Variants in FGF10 observed in about 807,000 individuals in gnomAD.
FGF10 encodes fibroblast growth factor 10, also known as FGF-10.
Under a neutral mutation model 19.8 loss-of-function variants are expected in FGF10, and 2 were observed. The observed-to-expected ratio is 0.10, with a 90% CI of 0.04 to 0.32. The LOEUF is 0.32. Among genes scored for constraint, FGF10 ranks in the 10% least tolerant of loss-of-function variants. FGF10 has a pLI of 1.00. For missense variants in FGF10, 191 were observed against 246.3 expected (o/e 0.78, Z 1.50); for synonymous variants, 112 against 94.0 (o/e 1.19, Z -1.10).
At chr5:44,319,093 C>A (rs1740421719) in intron 1 of FGF10, among the ~76,000 whole-genome samples, 1 of 152,140 alleles carries the variant, frequency 6.6e-6, no homozygotes. Context: ...TAGTCTACCT[C>A]ACCATGAGGC....
rs904312740 is a variant in FGF10 at position 44,300,614 on chromosome 5, G to C, written c.*4381C>G. ...CAAACAAACAGGTGAAGAATAATTG[G>C]AATTGGTGGGAAATATAGGAATAGA... On this transcript the variant is annotated 3_prime_UTR_variant, in exon 3 of 3. Transcript: ENST00000264664. 5.9e-5 allele frequency among the ~76,000 whole-genome samples: 9 copies of C among 152,148 alleles called. No homozygotes were observed. Among genetic ancestry groups the C allele is most frequent in the African/African-American group, 2.2e-4 (9 of 41,428 alleles).
rs570114478 is a variant in FGF10 at position 44,313,546 on chromosome 5, A to C, written c.326-3016T>G. Among the ~76,000 whole-genome samples the C allele has an allele frequency of 2.0e-5, 3 of 151,792 alleles. No individual in the cohort carries two copies. The South Asian group carries it at 6.2e-4, about 31-fold the overall frequency. On this transcript the variant is annotated intron_variant, in intron 1 of 2. Transcript: ENST00000264664. The stretch of plus-strand genomic sequence containing the variant: ...ATCTCCCCGTGTTTCTTACAAGTTT[A>C]TGACTCTACAATTACCTTAACATTA...
intron 1 of FGF10, among the ~76,000 whole-genome samples, chr5:44,312,878 C>T (rs1740245504): frequency 6.6e-6 from 1 of 152,028 alleles, no homozygotes; most frequent in Non-Finnish European, 1.5e-5. Context: ...TACTAACAGA[C>T]TGAGCTATAG....
At chr5:44,377,438 C>T (rs183507046) in intron 1 of FGF10, among the ~76,000 whole-genome samples, 4 of 152,202 alleles carry the variant, frequency 2.6e-5, no homozygotes, top group East Asian at 1.9e-4. Flanking sequence ...AATGCTGTCT[C>T]GAAACTGTAA....
chr5:44,321,885 C>T (rs1350465264), intron 1 of FGF10, among the ~76,000 whole-genome samples: 1 of 152,102 alleles, frequency 6.6e-6, no homozygotes, highest in Non-Finnish European at 1.5e-5. Context: ...CCTCAGCCTC[C>T]CAAGTAGCTG....
chr5:44,315,936 T>C (rs192847542), intron 1 of FGF10, among the ~76,000 whole-genome samples: 1 of 152,216 alleles, frequency 6.6e-6, no homozygotes, highest in East Asian at 1.9e-4. Context: ...CTCAAAACAT[T>C]ATGGGAACTG....
At chr5:44,386,594 G>T (rs896327693) in intron 1 of FGF10, among the ~76,000 whole-genome samples, 4 of 151,998 alleles carry the variant, frequency 2.6e-5, no homozygotes, top group Non-Finnish European at 5.9e-5. Flanking sequence ...ATATACATAG[G>T]ATCTAATGAA....
intron 2 of FGF10, among the ~76,000 whole-genome samples, chr5:44,309,892 T>C (rs940124833): frequency 1.3e-5 from 2 of 152,120 alleles, no homozygotes; most frequent in African/African-American, 4.8e-5. Context: ...TATATATATA[T>C]GATTTTGAGG....
At position 44,349,422 on chromosome 5, in the gene FGF10, TTATATATATATATATATA is replaced by T. The variant is rs869035955; in HGVS notation, c.326-38910_326-38893del. ...CTAAGAAAATGGGAAAGCATTTTCT[TTATATATATATATATATA>T]TATATATATATATATATATATATAT... is the stretch of plus-strand genomic sequence containing the variant. On this transcript the variant is annotated intron_variant, in intron 1 of 2. Transcript: ENST00000264664. Among the ~76,000 whole-genome samples the T allele has an allele frequency of 3.6e-3, 151 of 41,426 alleles. 6 individuals carry two copies. The highest frequency in any genetic ancestry group is 0.012 in the African/African-American group (131 of 10,552). 27.2% of individuals were successfully genotyped at this position (41,426 alleles called of 152,430 possible).
intron 1 of FGF10, among the ~76,000 whole-genome samples, chr5:44,354,783 T>G (rs768908287): frequency 3.3e-5 from 5 of 151,570 alleles, no homozygotes; most frequent in African/African-American, 4.8e-5. Context: ...CTGATTCAGC[T>G]GCTGCCTACC....
intron 1 of FGF10, among the ~76,000 whole-genome samples, chr5:44,383,822 T>A (rs1742038609): frequency 6.6e-6 from 1 of 152,026 alleles, no homozygotes; most frequent in African/African-American, 2.4e-5. Flanking sequence ...ACAACTGAAA[T>A]AAGATACCAG....
intron 1 of FGF10, among the ~76,000 whole-genome samples, chr5:44,348,718 C>A (rs1741146108): frequency 6.6e-6 from 1 of 151,400 alleles, no homozygotes; most frequent in Admixed American, 6.6e-5. Context: ...ATATTTTGGA[C>A]ATATTTATAA....
At chr5:44,338,074 T>C (rs1222043348) in intron 1 of FGF10, among the ~76,000 whole-genome samples, 3 of 152,210 alleles carry the variant, frequency 2.0e-5, no homozygotes, top group Non-Finnish European at 2.9e-5. Flanking sequence ...CCAACAATCA[T>C]ATAACATGTT....
intron 1 of FGF10, among the ~76,000 whole-genome samples, chr5:44,357,727 G>A (rs1741380527): frequency 6.6e-6 from 1 of 151,440 alleles, no homozygotes; most frequent in Admixed American, 6.6e-5. Context: ...TAGAGACAAA[G>A]ATGCCAATTG....
In FGF10 at chr5:44,360,147, A is replaced by G. The variant is rs186219118; in HGVS notation, c.325+28211T>C. Among the ~76,000 whole-genome samples the G allele has an allele frequency of 4.0e-5, 6 of 151,694 alleles. No homozygotes were observed. In the East Asian group the frequency reaches 1.2e-3, roughly 30 times the overall value. On this transcript the variant is annotated intron_variant, in intron 1 of 2. Coordinates refer to ENST00000264664, the MANE Select transcript of FGF10 (RefSeq NM_004465.2). The stretch of plus-strand genomic sequence containing the variant: ...TGACTTCATGGAATAGCTTTTGCCA[A>G]AATGCACTTGGAGAATTTTGAAGTC...
rs114626855 is a variant in FGF10, at chr5:44,387,241, G to A, written c.325+1117C>T. 8.5e-3 allele frequency among the ~76,000 whole-genome samples: 1,287 copies of A among 152,268 alleles called. 8 individuals carry two copies. The highest frequency in any genetic ancestry group is 0.013 in the Non-Finnish European group (887 of 68,020). The stretch of plus-strand genomic sequence containing the variant: ...GTCAACAGAGTAATCTGGGTTTGCT[G>A]GGTTGATTCAAGAAGAGACACAATA... On this transcript the variant is annotated intron_variant, in intron 1 of 2. Transcript: ENST00000264664.
chr5:44,337,266 A>G (rs199509110), intron 1 of FGF10, among the ~76,000 whole-genome samples: 1 of 150,076 alleles, frequency 6.7e-6, no homozygotes, highest in African/African-American at 2.4e-5. Context: ...CCTAGATAAA[A>G]CATTAATTAA....
chr5:44,364,653 T>A (rs1253349205), intron 1 of FGF10, among the ~76,000 whole-genome samples: 1 of 151,892 alleles, frequency 6.6e-6, no homozygotes, highest in East Asian at 1.9e-4. Flanking sequence ...CTAGTTTAAG[T>A]GAAATATGAT....
chr5:44,312,682 G>T (rs922810093), intron 1 of FGF10, among the ~76,000 whole-genome samples: 4 of 152,092 alleles, frequency 2.6e-5, no homozygotes, highest in Non-Finnish European at 5.9e-5. Flanking sequence ...AGGGGCAAAA[G>T]ATTAGGCAGC....
Sources: allele counts gnomAD v4.1 joint callset (sites outside exome capture counted in the v4.1 genomes callset), GRCh38; gene constraint gnomAD v4.1.1; transcripts MANE v1.5; gene names NCBI Gene and HGNC (gene_info 2026-07-23, HGNC 2026-07-21).